The following ERBB4 variants were observed in gnomAD, a reference collection of about 807,000 sequenced individuals.
ERBB4 encodes erb-b2 receptor tyrosine kinase 4.
In ERBB4, 42 loss-of-function variants were observed where a neutral mutation model predicts 158.0. That is an observed-to-expected ratio of 0.27 (90% CI 0.21 to 0.34). The LOEUF is 0.34. ERBB4 is among the 10% of genes least tolerant of loss of function. The pLI is 1.00. For missense variants in ERBB4, 1,333 were observed against 1,624.1 expected (o/e 0.82, Z 3.08); for synonymous variants, 583 against 558.7 (o/e 1.04, Z -0.61).
chr2:212,042,240 A>G (rs529925109), intron 2 of ERBB4, among the ~76,000 whole-genome samples: 17 of 152,142 alleles, frequency 1.1e-4, no homozygotes, highest in Non-Finnish European at 1.9e-4. Context: ...AAAGAATTGC[A>G]AATCCATGTA....
At chr2:211,491,081 T>C (rs771020077) in intron 20 of ERBB4, among the ~76,000 whole-genome samples, 31 of 152,094 alleles carry the variant, frequency 2.0e-4, no homozygotes, top group Admixed American at 2.0e-3. Flanking sequence ...TCTTAATTCA[T>C]CAGGTGATAA....
intron 4 of ERBB4, among the ~76,000 whole-genome samples, chr2:211,782,769 A>G (rs1210071369): frequency 6.6e-6 from 1 of 152,138 alleles, no homozygotes; most frequent in Non-Finnish European, 1.5e-5. Flanking sequence ...TGTTTGGGTT[A>G]CTGTAGCCTT....
rs1038215489 is a variant in ERBB4, at chr2:212,012,562, T to C, written c.235-64946A>G. Among the ~76,000 whole-genome samples, 4 of 151,652 alleles carry C rather than the reference T, an allele frequency of 2.6e-5. No individual in the cohort carries two copies. The East Asian group carries it at 7.8e-4, about 30-fold the overall frequency. The stretch of plus-strand genomic sequence containing the variant: ...CCTGACTAGCTGGGACCACAGGCGC[T>C]TGCCGCCATGTCCAGCCAATTTTTG... On this transcript the variant is annotated intron_variant, in intron 2 of 27. Transcript: ENST00000342788.
chr2:211,997,664 T>TTCCCGC (rs2082231200), intron 2 of ERBB4, among the ~76,000 whole-genome samples: 1 of 151,960 alleles, frequency 6.6e-6, no homozygotes, highest in Admixed American at 6.6e-5. Flanking sequence ...GATTCCCTCT[T>TTCCCGC]TCCCGCTCCC....
chr2:212,100,966 A>G (rs2079065312), intron 2 of ERBB4, among the ~76,000 whole-genome samples: 1 of 152,068 alleles, frequency 6.6e-6, no homozygotes, highest in African/African-American at 2.4e-5. Context: ...TAATCATCTT[A>G]TTTCAAAATT....
chr2:212,309,046 T>G (rs1440963455), intron 1 of ERBB4, among the ~76,000 whole-genome samples: 2 of 150,942 alleles, frequency 1.3e-5, no homozygotes, highest in Non-Finnish European at 3.0e-5. Flanking sequence ...ATACTCTGGT[T>G]TATCAAATTT....
At chr2:211,677,649 T>C (rs375805756) in intron 13 of ERBB4, among the ~76,000 whole-genome samples, 1 of 148,406 alleles carries the variant, frequency 6.7e-6, no homozygotes, top group Non-Finnish European at 1.5e-5. Flanking sequence ...CTGAGGCAGG[T>C]GGATCACGAG....
At chr2:212,266,511 A>T (rs1334347536) in intron 1 of ERBB4, among the ~76,000 whole-genome samples, 1 of 151,938 alleles carries the variant, frequency 6.6e-6, no homozygotes, top group Non-Finnish European at 1.5e-5. Flanking sequence ...GGAGAATCTC[A>T]AGGCAGTTAC....
intron 1 of ERBB4, among the ~76,000 whole-genome samples, chr2:212,508,258 G>T (rs969353650): frequency 1.3e-5 from 2 of 152,108 alleles, no homozygotes; most frequent in African/African-American, 4.8e-5. Context: ...TTGCTTTATT[G>T]TGATACTCAG....
At chr2:212,147,945 A>G (rs2080737766) in intron 1 of ERBB4, among the ~76,000 whole-genome samples, 1 of 152,122 alleles carries the variant, frequency 6.6e-6, no homozygotes, top group African/African-American at 2.4e-5. Context: ...TTCCATTTCT[A>G]AGATTGGCCT....
At chr2:211,971,551 T>C (rs1187701020) in intron 2 of ERBB4, among the ~76,000 whole-genome samples, 1 of 152,196 alleles carries the variant, frequency 6.6e-6, no homozygotes, top group East Asian at 1.9e-4. Flanking sequence ...TAACTCATTC[T>C]ATGAGACCAG....
At chr2:212,125,475 C>T (rs1276953734) in intron 1 of ERBB4, among the ~76,000 whole-genome samples, 2 of 151,958 alleles carry the variant, frequency 1.3e-5, no homozygotes, top group Non-Finnish European at 2.9e-5. Context: ...CATAGGTAAA[C>T]CTGTGGCATG....
intron 1 of ERBB4, among the ~76,000 whole-genome samples, chr2:212,257,691 G>A (rs1217534687): frequency 2.0e-5 from 3 of 152,066 alleles, no homozygotes; most frequent in Admixed American, 6.6e-5. Context: ...GCGATGTCAC[G>A]TGTTGAACAT....
chr2:211,698,407 G>C (rs914430639), intron 12 of ERBB4, among the ~76,000 whole-genome samples: 2 of 150,908 alleles, frequency 1.3e-5, no homozygotes, highest in African/African-American at 4.9e-5. Context: ...ATAAGATATA[G>C]ATGGCTGAAT....
At chr2:212,477,219 G>A (rs1213902553) in intron 1 of ERBB4, among the ~76,000 whole-genome samples, 1 of 152,074 alleles carries the variant, frequency 6.6e-6, no homozygotes, top group East Asian at 1.9e-4. Flanking sequence ...GGTCTAGCTG[G>A]AAGGCAAAAC....
chr2:211,845,265 C>G (rs1346151003), intron 3 of ERBB4, among the ~76,000 whole-genome samples: 1 of 151,936 alleles, frequency 6.6e-6, no homozygotes, highest in Non-Finnish European at 1.5e-5. Flanking sequence ...CTATCCCCAC[C>G]ACCAAGAAAA....
chr2:212,478,669 C>G (rs573109286), intron 1 of ERBB4, among the ~76,000 whole-genome samples: 1 of 151,978 alleles, frequency 6.6e-6, no homozygotes, highest in Non-Finnish European at 1.5e-5. Flanking sequence ...TTCCAATGGG[C>G]CTGACCATTC....
At chr2:211,595,858 T>C (rs1171692140) in intron 19 of ERBB4, among the ~76,000 whole-genome samples, 4 of 152,180 alleles carry the variant, frequency 2.6e-5, no homozygotes, top group African/African-American at 4.8e-5. Context: ...GACTTGAGTA[T>C]GCGTGTATTT....
At chr2:211,487,847 A>G (rs930791821) in intron 20 of ERBB4, among the ~76,000 whole-genome samples, 1 of 152,116 alleles carries the variant, frequency 6.6e-6, no homozygotes, top group Non-Finnish European at 1.5e-5. Flanking sequence ...CAGAGTAATT[A>G]GCTGGTGTAA....
Sources: allele counts gnomAD v4.1 joint callset (sites outside exome capture counted in the v4.1 genomes callset), GRCh38; gene constraint gnomAD v4.1.1; transcripts MANE v1.5; gene names NCBI Gene and HGNC (gene_info 2026-07-23, HGNC 2026-07-21).